Variants in EXOC4 observed in about 807,000 individuals in gnomAD.
The protein encoded by EXOC4 is SEC8-like 1.
Under a neutral mutation model 107.2 loss-of-function variants are expected in EXOC4, and 71 were observed. That is an observed-to-expected ratio of 0.66 (90% CI 0.55 to 0.81). The LOEUF is 0.81. EXOC4 is among the 30% of genes least tolerant of loss of function. The pLI, the probability that EXOC4 is intolerant of heterozygous loss-of-function variation, is 0.00. For missense variants in EXOC4, 1,108 were observed against 1,189.6 expected, an observed-to-expected ratio of 0.93 and a Z score of 1.01; for synonymous variants, 456 against 441.2, an observed-to-expected ratio of 1.03 and a Z score of -0.42.
At chr7:133,948,833 T>C (rs1161007350) in intron 14 of EXOC4, among the ~76,000 whole-genome samples, 1 of 152,186 alleles carries the variant, frequency 6.6e-6, no homozygotes, top group Non-Finnish European at 1.5e-5. Context: ...CCAGACCACA[T>C]CTGTCTGTTC....
At chr7:133,648,551 T>C (rs1408463304) in intron 10 of EXOC4, among the ~76,000 whole-genome samples, 1 of 152,176 alleles carries the variant, frequency 6.6e-6, no homozygotes, top group African/African-American at 2.4e-5. Context: ...ATATATTCCT[T>C]AGTCCTTATT....
At chr7:134,033,516 C>A (rs942393518) in intron 17 of EXOC4, among the ~76,000 whole-genome samples, 2 of 152,164 alleles carry the variant, frequency 1.3e-5, no homozygotes, top group Non-Finnish European at 2.9e-5. Context: ...GGAACTCCCT[C>A]CCTCTAAGAA....
chr7:133,678,813 T>A (rs1401826502), intron 10 of EXOC4, among the ~76,000 whole-genome samples: 1 of 151,630 alleles, frequency 6.6e-6, no homozygotes, highest in Non-Finnish European at 1.5e-5. Context: ...AGAGCTGGGG[T>A]CTTGCCATGT....
At chr7:133,961,790 G>C (rs1421137856) in intron 14 of EXOC4, among the ~76,000 whole-genome samples, 1 of 152,202 alleles carries the variant, frequency 6.6e-6, no homozygotes, top group Admixed American at 6.5e-5. Context: ...GGCACAGGCA[G>C]GACTGGAACC....
intron 5 of EXOC4, among the ~76,000 whole-genome samples, chr7:133,354,775 C>A (rs1795987700): frequency 6.6e-6 from 1 of 152,188 alleles, no homozygotes; most frequent in Non-Finnish European, 1.5e-5. Context: ...ACAGGGATGT[C>A]TGCCACAGTG....
intron 5 of EXOC4, among the ~76,000 whole-genome samples, chr7:133,354,126 A>G (rs890299851): frequency 3.3e-5 from 5 of 151,924 alleles, no homozygotes; most frequent in Admixed American, 3.3e-4. Flanking sequence ...TCTACCATTA[A>G]GTCTTTTTCA....
chr7:133,755,012 C>G (rs1212246627), intron 10 of EXOC4, among the ~76,000 whole-genome samples: 2 of 151,412 alleles, frequency 1.3e-5, no homozygotes, highest in Middle Eastern at 3.4e-3. Flanking sequence ...AATGTTGACC[C>G]TACATTTTTT....
intron 11 of EXOC4, among the ~76,000 whole-genome samples, chr7:133,863,199 A>G (rs1379459791): frequency 6.6e-6 from 1 of 152,210 alleles, no homozygotes; most frequent in African/African-American, 2.4e-5. Context: ...ACCTCTGGCT[A>G]TCAACACTGC....
intron 7 of EXOC4, among the ~76,000 whole-genome samples, chr7:133,464,238 C>T (rs1307344241): frequency 2.6e-5 from 4 of 152,100 alleles, no homozygotes; most frequent in Non-Finnish European, 5.9e-5. Context: ...CATAGGTAAA[C>T]GTGTGCTTCT....
chr7:133,712,259 G>C (rs1054056274), intron 10 of EXOC4, among the ~76,000 whole-genome samples: 1 of 151,944 alleles, frequency 6.6e-6, no homozygotes, highest in Non-Finnish European at 1.5e-5. Context: ...GACCAACATG[G>C]AGAAACTCCA....
intron 10 of EXOC4, among the ~76,000 whole-genome samples, chr7:133,702,108 A>G (rs1490940037): frequency 1.4e-5 from 2 of 147,348 alleles, no homozygotes; most frequent in Non-Finnish European, 3.0e-5. Context: ...TCAAGTGATC[A>G]TCATTTCTGA....
chr7:133,550,847 G>C (rs939813812), intron 9 of EXOC4, among the ~76,000 whole-genome samples: 1 of 151,894 alleles, frequency 6.6e-6, no homozygotes, highest in Non-Finnish European at 1.5e-5. Flanking sequence ...GTATTTTATA[G>C]ATATGATTAA....
intron 10 of EXOC4, among the ~76,000 whole-genome samples, chr7:133,779,616 C>T (rs1299865554): frequency 1.3e-5 from 2 of 152,180 alleles, no homozygotes; most frequent in Non-Finnish European, 2.9e-5. Flanking sequence ...ATGCACCAAT[C>T]AGTGCTCTGT....
At chr7:133,477,832 G>A (rs945317189) in intron 8 of EXOC4, among the ~76,000 whole-genome samples, 2 of 152,144 alleles carry the variant, frequency 1.3e-5, no homozygotes, top group African/African-American at 4.8e-5. Context: ...TCTTCAGCAA[G>A]TTCCTATTAA....
chr7:133,990,534 C>T (rs1343873470), intron 14 of EXOC4, among the ~76,000 whole-genome samples: 1 of 152,160 alleles, frequency 6.6e-6, no homozygotes, highest in Non-Finnish European at 1.5e-5. Flanking sequence ...ACTGCAACCT[C>T]CTCCTCCTGG....
At chr7:133,802,713 G>T (rs1056051904) in intron 10 of EXOC4, among the ~76,000 whole-genome samples, 2 of 152,040 alleles carry the variant, frequency 1.3e-5, no homozygotes, top group Non-Finnish European at 2.9e-5. Context: ...CAGATGTGGT[G>T]GTGGAAGCCT....
intron 10 of EXOC4, among the ~76,000 whole-genome samples, chr7:133,630,830 T>C (rs1216078196): frequency 3.9e-5 from 6 of 152,190 alleles, no homozygotes; most frequent in Non-Finnish European, 5.9e-5. Context: ...TTCATTGTGA[T>C]AACATGATTA....
At chr7:133,366,719 C>T (rs556896784) in intron 6 of EXOC4, among the ~76,000 whole-genome samples, 2 of 152,218 alleles carry the variant, frequency 1.3e-5, no homozygotes, top group East Asian at 3.9e-4. Context: ...CTTTTTCATT[C>T]CTTTATCAAC....
chr7:133,872,671 G>A (rs1008035114), intron 11 of EXOC4, among the ~76,000 whole-genome samples: 4 of 152,270 alleles, frequency 2.6e-5, no homozygotes, highest in African/African-American at 4.8e-5. Context: ...TATATTTTGC[G>A]GTGAGCTCTA....
Sources: gnomAD v4.1 joint callset for allele counts (sites outside exome capture counted in the v4.1 genomes callset) on GRCh38, gnomAD v4.1.1 for gene constraint, MANE v1.5 for transcripts, NCBI Gene and HGNC (gene_info 2026-07-23, HGNC 2026-07-21) for gene names.